Variants in NUP210 observed in about 807,000 individuals in gnomAD.
NUP210 encodes the protein nucleoporin 210, also known as nuclear pore membrane glycoprotein 210.
Under a neutral mutation model 196.0 loss-of-function variants are expected in NUP210, and 151 were observed. That is an observed-to-expected ratio of 0.77 (90% CI 0.67 to 0.88). The LOEUF (loss-of-function observed/expected upper bound fraction) is 0.88. Among genes scored for constraint, NUP210 ranks in the 40% least tolerant of loss-of-function variants. The probability of loss-of-function intolerance (pLI) is 0.00; values close to 1 mark genes in which losing one functional copy is unlikely to be tolerated. For synonymous variants in NUP210, 1,070 were observed against 1,052.7 expected (o/e 1.02, Z -0.32); for missense variants, 2,314 against 2,493.7 (o/e 0.93, Z 1.53).
rs1699358675 is a variant in NUP210 at position 13,388,470 on chromosome 3, T to C, written c.534-17A>G. On this transcript the variant is annotated splice_polypyrimidine_tract_variant and intron_variant, in intron 4 of 39. Coordinates refer to ENST00000254508, the MANE Select transcript of NUP210 (RefSeq NM_024923.4). Reference sequence around the variant, plus strand: ...GTGAGGATTCTGGAAAAGGAGCACGTTGTCAAAGTTTGTTGATCAAACCCC... The same window carrying C: ...GTGAGGATTCTGGAAAAGGAGCACGCTGTCAAAGTTTGTTGATCAAACCCC... The C allele has an allele frequency of 1.9e-6, 3 of 1,581,906 alleles. No individual in the cohort carries two copies. In the East Asian group the frequency reaches 6.9e-5, roughly 36 times the overall value.
chr3:13,352,005 G>T (rs1697991919), intron 19 of NUP210, 25 bp from the exon 20 acceptor site: 1 of 1,607,932 alleles, frequency 6.2e-7, no homozygotes, highest in East Asian at 2.2e-5. Context: ...TGCAGGGAGG[G>T]TTGGGCCGCA....
chr3:13,336,690 T>G (rs1040250326), intron 27 of NUP210, 97 bp downstream of exon 27: 1 of 1,386,928 alleles, frequency 7.2e-7, no homozygotes, highest in African/African-American at 1.4e-5. Flanking sequence ...GGGTGGGGAC[T>G]TCCTGTGGGA....
In NUP210 at chr3:13,339,976, C is replaced by T. The variant is rs1697393754; in HGVS notation, c.3349G>A (p.Glu1117Lys). 3 of 1,614,088 alleles carry T rather than the reference C, an allele frequency of 1.9e-6. No individual in the cohort carries two copies. The highest frequency in any genetic ancestry group is 2.5e-6 in the Non-Finnish European group (3 of 1,180,046). ...QSNILFSISN[E>K]SVALVSAAGL... ...GCAGCGCTCACCAGCGCAACGCTCTCATTGCTGATGGAGAAAAGGATGTTG... is the reference window on the plus strand; with the variant it reads ...GCAGCGCTCACCAGCGCAACGCTCTTATTGCTGATGGAGAAAAGGATGTTG... The change falls in exon 25 of 40, where the codon GAG (glutamate) becomes AAG (lysine). Residue 1117 changes from glutamate to lysine, a missense_variant. Glu to Lys is a moderately conservative substitution (Grantham distance 56). Transcript: ENST00000254508.
intron 1 of NUP210, among the ~76,000 whole-genome samples, chr3:13,409,865 C>G (rs1056240251): frequency 1.3e-5 from 2 of 149,970 alleles, no homozygotes; most frequent in African/African-American, 2.5e-5. Context: ...GAGACGGAGT[C>G]TCGTTCTGTC....
chr3:13,352,496 C>G (rs1319222938), intron 18 of NUP210, among the ~76,000 whole-genome samples: 1 of 152,258 alleles, frequency 6.6e-6, no homozygotes, highest in Non-Finnish European at 1.5e-5. Flanking sequence ...CAGGACCTCA[C>G]AGCAAAGGGT....
rs147322542 is a variant in NUP210, at chr3:13,332,325, C to A, written c.3903G>T (p.Ser1301=). ...TCTGCAGCTTTATATATGAGTTGGGCGACATTAATATTTGTTCTGCTTCTA... is the reference window on the plus strand; with the variant it reads ...TCTGCAGCTTTATATATGAGTTGGGAGACATTAATATTTGTTCTGCTTCTA... The part of the protein sequence containing the change: ...PEIEAEQILM[S]PNSYIKLQTN... The change falls in exon 29 of 40, where the codon TCG becomes TCT. Residue 1301 remains serine, a synonymous_variant. Transcript: ENST00000254508. The A allele has an allele frequency of 6.2e-7, 1 of 1,613,728 alleles. No individual in the cohort carries two copies. Among genetic ancestry groups the A allele is most frequent in the Admixed American group, 1.7e-5 (1 of 60,016 alleles).
At position 13,336,838 on chromosome 3, in the gene NUP210, G is replaced by A. The variant is rs1258024847; in HGVS notation, c.3633C>T (p.His1211=). 5 of 1,613,874 alleles carry A rather than the reference G, an allele frequency of 3.1e-6. No homozygotes were observed. Among genetic ancestry groups the A allele is most frequent in the African/African-American group, 1.3e-5 (1 of 74,942 alleles). ...GGACGTCCCGCTTGGTGACAGACCA[G>A]TGGAAGGTCAGGCCTGGCACGGCAT... ...FGNAVPGLTF[H]WSVTKRDVLD... The change falls in exon 27 of 40, where the codon CAC becomes CAT. Residue 1211 remains histidine (H), a synonymous_variant. Coordinates refer to ENST00000254508, the MANE Select transcript of NUP210 (RefSeq NM_024923.4).
intron 29 of NUP210, 104 bp from the exon 30 acceptor site, chr3:13,330,738 G>A: frequency 8.4e-7 from 1 of 1,194,796 alleles, no homozygotes; most frequent in Non-Finnish European, 1.2e-6. Context: ...CATGCTCCTG[G>A]GAGGAAAAAA....
At chr3:13,319,621 G>C in intron 37 of NUP210, 142 bp downstream of exon 37, 1 of 745,696 alleles carries the variant, frequency 1.3e-6, no homozygotes, top group Non-Finnish European at 2.3e-6. Context: ...TGGCCCCAAT[G>C]AGCAGCGATC....
chr3:13,392,324 T>C (rs1474274516), intron 3 of NUP210, among the ~76,000 whole-genome samples: 2 of 152,212 alleles, frequency 1.3e-5, no homozygotes, highest in African/African-American at 2.4e-5. Flanking sequence ...GCATCTTTAA[T>C]GAAGAGAGGC....
rs1334674684 is a variant in NUP210, at chr3:13,319,780, C to T, written c.5366G>A (p.Arg1789His). Residue 1789 changes from arginine to histidine, a missense_variant, in exon 37 of 40, where the codon CGC becomes CAC. By Grantham distance (29) the Arg-to-His change is conservative. Coordinates refer to ENST00000254508, the MANE Select transcript of NUP210 (RefSeq NM_024923.4). ...IPVTVAFVVD[R>H]RGPGPYGASL... is the part of the protein sequence containing the mutation. ...TGACTCACAAGGACCGGGCCCACGG[C>T]GATCCACCACAAAAGCCACTGTCAC... 8.7e-6 allele frequency: 14 copies of T among 1,614,168 alleles called. No individual in the cohort carries two copies. The highest frequency in any genetic ancestry group is 1.1e-5 in the Non-Finnish European group (13 of 1,180,006).
chr3:13,388,859 G>A (rs941635080), intron 4 of NUP210, among the ~76,000 whole-genome samples: 2 of 152,198 alleles, frequency 1.3e-5, no homozygotes, highest in Non-Finnish European at 2.9e-5. Context: ...TCACCTCCCC[G>A]AGGCTGCCTG....
At chr3:13,393,595 G>A (rs4684133) in intron 3 of NUP210, among the ~76,000 whole-genome samples, 88,209 of 152,032 alleles carry the variant, frequency 0.58, 26,855 homozygotes, top group African/African-American at 0.77. Context: ...TTTCTCTCCC[G>A]CCAGCTGCTG....
rs1250971715 is a variant in NUP210 at position 13,350,620 on chromosome 3, T to C, written c.2835+1259A>G. On this transcript the variant is annotated intron_variant, in intron 20 of 39. Transcript: ENST00000254508. The surrounding 1 kb of genome is among the most constrained non-coding windows in gnomAD (Gnocchi z 4.1). ...CAACGATGAAGGGAGTAAAGGAAGA[T>C]TTGATAACAATCTCATATCAAACAG... 1.3e-5 allele frequency among the ~76,000 whole-genome samples: 2 copies of C among 151,966 alleles called. No homozygotes were observed. The highest frequency in any genetic ancestry group is 2.9e-5 in the Non-Finnish European group (2 of 68,008).
chr3:13,383,614 T>A (rs1699173711), intron 6 of NUP210, among the ~76,000 whole-genome samples: 1 of 142,598 alleles, frequency 7.0e-6, no homozygotes. Context: ...ATCCTCTGCC[T>A]CCCGGGTTCA....
intron 13 of NUP210, among the ~76,000 whole-genome samples, chr3:13,371,534 C>A (rs921567349): frequency 6.6e-6 from 1 of 152,226 alleles, no homozygotes; most frequent in African/African-American, 2.4e-5. Flanking sequence ...ATTCTGAATA[C>A]CAACTGCATT....
intron 9 of NUP210, 31 bp downstream of exon 9, chr3:13,377,425 C>T (rs754852545): frequency 6.7e-7 from 1 of 1,499,638 alleles, no homozygotes; most frequent in Non-Finnish European, 9.3e-7. Context: ...CCCACCTCAT[C>T]CCCCCAGCCA....
At chr3:13,325,666 C>T in intron 33 of NUP210, 129 bp downstream of exon 33, 2 of 1,094,386 alleles carry the variant, frequency 1.8e-6, no homozygotes, top group Non-Finnish European at 2.6e-6. Flanking sequence ...GTCCCAGACT[C>T]ATGACTCCCA....
intron 14 of NUP210, 31 bp from the exon 15 acceptor site, chr3:13,360,522 T>A: frequency 6.4e-7 from 1 of 1,559,272 alleles, no homozygotes; most frequent in East Asian, 2.3e-5. Context: ...AGACTTGGCA[T>A]TCTTCTAAGG....
Sources: gnomAD v4.1 joint callset for allele counts (sites outside exome capture counted in the v4.1 genomes callset) on GRCh38, gnomAD v4.1.1 for gene constraint, Gnocchi (gnomAD v3.1) non-coding constraint, MANE v1.5 for transcripts, NCBI Gene and HGNC (gene_info 2026-07-23, HGNC 2026-07-21) for gene names.